SLC22A23: variants seen among roughly 807,000 people sequenced by gnomAD.
SLC22A23 encodes the protein solute carrier family 22 member 23.
Under a neutral mutation model 61.0 loss-of-function variants are expected in SLC22A23, and 26 were observed. The ratio of observed to expected loss-of-function variants is 0.43; its 90% CI spans 0.31 to 0.59. The LOEUF is 0.59. Among genes scored for constraint, SLC22A23 ranks in the 20% least tolerant of loss-of-function variants. The probability of loss-of-function intolerance (pLI) is 0.11; values close to 1 mark genes in which losing one functional copy is unlikely to be tolerated. For missense variants in SLC22A23, 796 were observed against 934.7 expected (o/e 0.85, Z 1.94); for synonymous variants, 430 against 413.9 (o/e 1.04, Z -0.47).
chr6:3,294,078 G>A (rs1760859917), intron 5 of SLC22A23, among the ~76,000 whole-genome samples: 1 of 152,160 alleles, frequency 6.6e-6, no homozygotes, highest in South Asian at 2.1e-4. Context: ...CCTGGGGCTA[G>A]CCTGACACTG....
rs1470978605 is a variant in SLC22A23, at chr6:3,327,049, CGGGG to C, written c.914-3051_914-3048del. ...GGTGGATCGTTTCTGCTGGGAGGGA[CGGGG>C]ACTGCAGGTGGATCGTTTCTGCTGG... On this transcript the variant is annotated intron_variant, in intron 3 of 9. Coordinates refer to ENST00000406686, the MANE Select transcript of SLC22A23 (RefSeq NM_015482.2). The surrounding 1 kb of genome is among the most constrained non-coding windows in gnomAD (Gnocchi z 4.1). Among the ~76,000 whole-genome samples, 778 of 151,346 alleles carry C rather than the reference CGGGG, an allele frequency of 5.1e-3. 6 individuals carry two copies. Among genetic ancestry groups the C allele is most frequent in the African/African-American group, 0.018 (734 of 41,182 alleles).
intron 4 of SLC22A23, among the ~76,000 whole-genome samples, chr6:3,314,898 C>G (rs911810341): frequency 1.3e-5 from 2 of 152,176 alleles, no homozygotes; most frequent in African/African-American, 2.4e-5. Context: ...GTTCCTTACT[C>G]TCCAGTGTTA....
At chr6:3,413,764 G>T (rs1210086264) in intron 2 of SLC22A23, among the ~76,000 whole-genome samples, 1 of 152,194 alleles carries the variant, frequency 6.6e-6, no homozygotes, top group African/African-American at 2.4e-5. Flanking sequence ...CCCTTTAAAT[G>T]GGTTTATTTC....
chr6:3,405,601 C>T (rs1020148431), intron 3 of SLC22A23, among the ~76,000 whole-genome samples: 1 of 150,920 alleles, frequency 6.6e-6, no homozygotes, highest in African/African-American at 2.5e-5. Context: ...CTCTGTGGAG[C>T]CATTTGGCTC....
chr6:3,433,023 G>A (rs1561978876), intron 1 of SLC22A23, among the ~76,000 whole-genome samples: 1 of 152,232 alleles, frequency 6.6e-6, no homozygotes, highest in African/African-American at 2.4e-5. Context: ...TGTGGGCTGG[G>A]TAACAGCAGA....
At chr6:3,300,258 C>T (rs943473104) in intron 4 of SLC22A23, among the ~76,000 whole-genome samples, 2 of 152,100 alleles carry the variant, frequency 1.3e-5, no homozygotes, top group East Asian at 1.9e-4. Context: ...ATCCGCCTGC[C>T]TCGGCCTCCC....
At chr6:3,382,862 G>A (rs11963591) in intron 3 of SLC22A23, among the ~76,000 whole-genome samples, 3,360 of 152,184 alleles carry the variant, frequency 0.022, 140 homozygotes, top group East Asian at 0.16. Context: ...GCCAAAGAAG[G>A]GCATTGCTGC....
At chr6:3,323,218 T>C (rs1318479545) in intron 4 of SLC22A23, 3 of 455,970 alleles carry the variant, frequency 6.6e-6, no homozygotes, top group Non-Finnish European at 1.3e-5. Context: ...AAGCTATTTT[T>C]TGTAAAGGAC....
intron 3 of SLC22A23, among the ~76,000 whole-genome samples, chr6:3,371,907 A>G (rs1376871860): frequency 6.6e-6 from 1 of 152,130 alleles, no homozygotes; most frequent in Admixed American, 6.5e-5. Context: ...AACCTCTGAC[A>G]CAGCATCGAT....
At chr6:3,379,439 C>T (rs576088653) in intron 3 of SLC22A23, among the ~76,000 whole-genome samples, 40 of 152,100 alleles carry the variant, frequency 2.6e-4, no homozygotes, top group Non-Finnish European at 5.3e-4. Flanking sequence ...TGCTATGGAA[C>T]GCTGTCACAG....
In SLC22A23 at chr6:3,308,146, G is replaced by A. The variant is rs1762117328; in HGVS notation, c.1083-9928C>T. Among the ~76,000 whole-genome samples, 1 of 152,188 alleles carries A rather than the reference G, an allele frequency of 6.6e-6. No homozygotes were observed. The highest frequency in any genetic ancestry group is 6.5e-5 in the Admixed American group (1 of 15,288). ...ATCGCGTTGTGGATGTGGTCACTGA[G>A]TTGTACAATTTAAAATGGTTACAGT... is the stretch of plus-strand genomic sequence containing the variant. On this transcript the variant is annotated intron_variant, in intron 4 of 9. Transcript: ENST00000406686. The surrounding 1 kb of genome is among the most constrained non-coding windows in gnomAD (Gnocchi z 5.1).
intron 1 of SLC22A23, among the ~76,000 whole-genome samples, chr6:3,418,874 C>T (rs1298526461): frequency 1.3e-5 from 2 of 152,200 alleles, no homozygotes; most frequent in African/African-American, 4.8e-5. Flanking sequence ...GCTGGGGGAA[C>T]CCATGGCACC....
At chr6:3,364,531 G>A (rs1376598116) in intron 3 of SLC22A23, among the ~76,000 whole-genome samples, 1 of 152,208 alleles carries the variant, frequency 6.6e-6, no homozygotes, top group Non-Finnish European at 1.5e-5. Context: ...CAGATGCCCT[G>A]CTCACACCAT....
chr6:3,379,503 CA>C (rs1212097304), intron 3 of SLC22A23, among the ~76,000 whole-genome samples: 2 of 152,156 alleles, frequency 1.3e-5, no homozygotes, highest in Non-Finnish European at 2.9e-5. Flanking sequence ...AGGGCTTAGA[CA>C]GGGGATTTGG....
chr6:3,433,167 G>T (rs1040403443), intron 1 of SLC22A23, among the ~76,000 whole-genome samples: 37 of 152,328 alleles, frequency 2.4e-4, no homozygotes, highest in South Asian at 1.0e-3. Context: ...GGGCCTGGCT[G>T]CCAAAGCCAC....
intron 3 of SLC22A23, among the ~76,000 whole-genome samples, chr6:3,406,555 T>C (rs1331407334): frequency 2.6e-5 from 1 of 38,248 alleles, no homozygotes; most frequent in Non-Finnish European, 6.9e-5. Context: ...TGTGCGCGCA[T>C]GTGTGTGTGT....
intron 9 of SLC22A23, among the ~76,000 whole-genome samples, chr6:3,279,103 T>C (rs1469421196): frequency 6.6e-6 from 1 of 152,174 alleles, no homozygotes; most frequent in Non-Finnish European, 1.5e-5. Flanking sequence ...ATTAGAAAAA[T>C]GTCTATGTAT....
intron 3 of SLC22A23, among the ~76,000 whole-genome samples, chr6:3,406,526 C>CTGTGTG (rs61072525): frequency 4.8e-5 from 5 of 103,286 alleles, no homozygotes; most frequent in Non-Finnish European, 9.5e-5. Context: ...TTTCGACTGC[C>CTGTGTG]TGTGTGTGTG....
intron 1 of SLC22A23, chr6:3,439,268 C>G (rs1165404566): frequency 2.3e-6 from 1 of 432,956 alleles, no homozygotes; most frequent in African/African-American, 2.0e-5. Flanking sequence ...CCAGACATTG[C>G]CGAATGTTCT....
Sources: allele counts gnomAD v4.1 joint callset (sites outside exome capture counted in the v4.1 genomes callset), GRCh38; gene constraint gnomAD v4.1.1; non-coding constraint Gnocchi (gnomAD v3.1); transcripts MANE v1.5; gene names NCBI Gene and HGNC (gene_info 2026-07-23, HGNC 2026-07-21).